Variants in XRRA1 observed in about 807,000 individuals in gnomAD.
XRRA1 encodes X-ray radiation resistance-associated protein 1.
Under a neutral mutation model 80.2 loss-of-function variants are expected in XRRA1, and 69 were observed. The observed-to-expected ratio is 0.86, with a 90% CI of 0.71 to 1.05. The LOEUF (loss-of-function observed/expected upper bound fraction) is 1.05, where lower values mean the gene tolerates loss of function less well. Among genes scored for constraint, XRRA1 ranks in the 50% least tolerant of loss-of-function variants. XRRA1 has a pLI of 0.00. For synonymous variants in XRRA1, 348 were observed against 389.9 expected (o/e 0.89, Z 1.27); for missense variants, 967 against 976.4 (o/e 0.99, Z 0.13).
At chr11:74,939,644 G>A (rs180873865) in intron 3 of XRRA1, among the ~76,000 whole-genome samples, 1 of 152,280 alleles carries the variant, frequency 6.6e-6, no homozygotes, top group East Asian at 1.9e-4. Flanking sequence ...ATTTCTCCAA[G>A]AAGCCCATGT....
At chr11:74,918,012 T>C (rs979213411) in intron 8 of XRRA1, among the ~76,000 whole-genome samples, 1 of 151,734 alleles carries the variant, frequency 6.6e-6, no homozygotes, top group African/African-American at 2.4e-5. Flanking sequence ...TAGAGTATTA[T>C]CTGGTGCTCC....
chr11:74,910,178 ACAC>A (rs2055545253), intron 8 of XRRA1, among the ~76,000 whole-genome samples: 1 of 152,214 alleles, frequency 6.6e-6, no homozygotes, highest in South Asian at 2.1e-4. Context: ...AAGATACAGA[ACAC>A]CAACTGTGCA....
intron 10 of XRRA1, among the ~76,000 whole-genome samples, chr11:74,871,649 C>A (rs2044803422): frequency 1.3e-5 from 2 of 152,108 alleles, no homozygotes; most frequent in Admixed American, 1.3e-4. Flanking sequence ...CCCCCTCCAA[C>A]TGTGCCATCA....
Position 74,868,038 on chromosome 11 carries a change from C to T in XRRA1, c.1004-5017G>A, listed in dbSNP as rs952345535. Among the ~76,000 whole-genome samples the T allele has an allele frequency of 3.8e-4, 56 of 149,324 alleles. No individual in the cohort carries two copies. The Admixed American group carries it at 3.8e-3, about 10-fold the overall frequency. ...CCAGGTTCAAGTGATTCTCATACCT[C>T]AGTCTCCCAAGTAACTGGGATTACA... On this transcript the variant is annotated intron_variant, in intron 10 of 18. Transcript: ENST00000684022.
intron 10 of XRRA1, among the ~76,000 whole-genome samples, chr11:74,875,660 G>A (rs1402283763): frequency 2.0e-5 from 3 of 152,112 alleles, no homozygotes; most frequent in Non-Finnish European, 4.4e-5. Context: ...CTTGACATCA[G>A]GAGTTCGAGA....
In XRRA1 at chr11:74,907,307, G is replaced by T. The variant is rs771148475; in HGVS notation, c.657-34C>A. On this transcript the variant is annotated intron_variant, in intron 8 of 18. Coordinates refer to ENST00000684022, the MANE Select transcript of XRRA1 (RefSeq NM_001378157.1). ...GCAAAGATCTTGGGTAATGAGCAAG[G>T]TCGAGGGACAAATTCCACCATTCCC... is the stretch of plus-strand genomic sequence containing the variant. 27 of 1,611,524 alleles carry T rather than the reference G, an allele frequency of 1.7e-5. No homozygotes were observed. The East Asian group carries it at 6.0e-4, about 36-fold the overall frequency.
chr11:74,899,217 A>C (rs1233683462), intron 10 of XRRA1, among the ~76,000 whole-genome samples: 1 of 152,144 alleles, frequency 6.6e-6, no homozygotes, highest in Non-Finnish European at 1.5e-5. Flanking sequence ...GAAACAAATG[A>C]TAATGGACAC....
chr11:74,848,378 C>A lies in XRRA1; in HGVS notation c.1465G>T (p.Asp489Tyr), dbSNP rs756318660. The change falls in exon 15 of 19, where the codon GAT (aspartate) becomes TAT (tyrosine). Residue 489 changes from aspartate (D) to tyrosine (Y), a missense_variant. Physicochemically the swap from Asp to Tyr is radical, Grantham distance 160. Coordinates refer to ENST00000684022, the MANE Select transcript of XRRA1 (RefSeq NM_001378157.1). ...AGCTCTGCCTCTGGCTCTAGCATATCCTTTGAGGGAGACTTGGTTGTCGTC... is the reference window on the plus strand; with the variant it reads ...AGCTCTGCCTCTGGCTCTAGCATATACTTTGAGGGAGACTTGGTTGTCGTC... ...RMTTTKSPSK[D>Y]MLEPEAELAE... The A allele has an allele frequency of 6.2e-7, 1 of 1,613,802 alleles. No individual in the cohort carries two copies. The highest frequency in any genetic ancestry group is 8.5e-7 in the Non-Finnish European group (1 of 1,179,888).
chr11:74,866,427 T>A (rs1293061650), intron 10 of XRRA1, among the ~76,000 whole-genome samples: 2 of 152,024 alleles, frequency 1.3e-5, no homozygotes, highest in Admixed American at 6.6e-5. Context: ...TTAATGTTTT[T>A]ATTTTTTTGT....
chr11:74,851,959 T>G (rs1167265111), intron 13 of XRRA1, 30 bp downstream of exon 13: 3 of 1,593,746 alleles, frequency 1.9e-6, no homozygotes, highest in Non-Finnish European at 1.7e-6. Flanking sequence ...GGCACTGGGT[T>G]GAGAGGGGGC....
chr11:74,947,546 AAAAAT>A (rs1158023320), intron 1 of XRRA1, among the ~76,000 whole-genome samples: 1 of 152,104 alleles, frequency 6.6e-6, no homozygotes, highest in Non-Finnish European at 1.5e-5. Flanking sequence ...TCAAAAAATA[AAAAAT>A]AAAATAAAAA....
In XRRA1 at chr11:74,890,059, C is replaced by T. The variant is rs1293971461; in HGVS notation, c.1003+16180G>A. Among the ~76,000 whole-genome samples the T allele has an allele frequency of 2.6e-5, 4 of 152,192 alleles. No homozygotes were observed. In the East Asian group the frequency reaches 5.8e-4, roughly 22 times the overall value. ...CTCTGCACCAAGCAGACCTAATAGA[C>T]ATCTACAGAACTCTCCACCCCAAAT... On this transcript the variant is annotated intron_variant, in intron 10 of 18. Coordinates refer to ENST00000684022, the MANE Select transcript of XRRA1 (RefSeq NM_001378157.1).
intron 8 of XRRA1, among the ~76,000 whole-genome samples, chr11:74,920,302 A>T (rs1201160229): frequency 6.6e-6 from 1 of 152,216 alleles, no homozygotes; most frequent in African/African-American, 2.4e-5. Context: ...CTAATAAATG[A>T]TCACTACTAT....
chr11:74,885,613 G>C (rs2048836968), intron 10 of XRRA1, among the ~76,000 whole-genome samples: 1 of 152,130 alleles, frequency 6.6e-6, no homozygotes, highest in South Asian at 2.1e-4. Flanking sequence ...GGACAAGACA[G>C]AGTCATAGCC....
chr11:74,845,384 G>C (rs554050463), intron 15 of XRRA1, 113 bp from the exon 16 acceptor site: 3 of 1,049,298 alleles, frequency 2.9e-6, no homozygotes, highest in Non-Finnish European at 4.1e-6. Flanking sequence ...AAGGGCAAGG[G>C]TAAGACCAAG....
chr11:74,856,015 C>T (rs1164092910), intron 12 of XRRA1, among the ~76,000 whole-genome samples: 2 of 152,108 alleles, frequency 1.3e-5, no homozygotes, highest in Non-Finnish European at 2.9e-5. Flanking sequence ...GCCTGTAATT[C>T]CAGCTACTTG....
intron 7 of XRRA1, among the ~76,000 whole-genome samples, chr11:74,926,547 A>G (rs1324543111): frequency 6.6e-6 from 1 of 152,212 alleles, no homozygotes; most frequent in Non-Finnish European, 1.5e-5. Context: ...TGCCCAGCCC[A>G]CACACGTGGC....
chr11:74,872,930 T>C (rs554702396), intron 10 of XRRA1, among the ~76,000 whole-genome samples: 58 of 152,262 alleles, frequency 3.8e-4, no homozygotes, highest in African/African-American at 1.4e-3. Context: ...CTCAACCCCT[T>C]AGTTGTAGTT....
At chr11:74,937,869 C>T (rs992477220) in intron 3 of XRRA1, among the ~76,000 whole-genome samples, 1 of 152,162 alleles carries the variant, frequency 6.6e-6, no homozygotes, top group African/African-American at 2.4e-5. Context: ...CTGACTCATT[C>T]ATCTCAGTAT....
Sources: allele counts gnomAD v4.1 joint callset (sites outside exome capture counted in the v4.1 genomes callset), GRCh38; gene constraint gnomAD v4.1.1; transcripts MANE v1.5; gene names NCBI Gene and HGNC (gene_info 2026-07-23, HGNC 2026-07-21).